KIAA1328: variants seen among roughly 807,000 people sequenced by gnomAD.
The protein encoded by KIAA1328 is KIAA1328, also known as protein hinderin.
KIAA1328 carries 52 observed loss-of-function variants against 68.1 expected under a neutral mutation model. That is an observed-to-expected ratio of 0.76 (90% CI 0.61 to 0.96). KIAA1328 has a LOEUF of 0.96. Ranked by LOEUF, KIAA1328 falls within the 40% of genes least tolerant of loss-of-function variation. KIAA1328 has a pLI of 0.00. For synonymous variants in KIAA1328, 232 were observed against 239.4 expected (o/e 0.97, Z 0.28); for missense variants, 641 against 677.6 (o/e 0.95, Z 0.60).
At chr18:37,079,078 C>T (rs1487996611) in intron 7 of KIAA1328, among the ~76,000 whole-genome samples, 1 of 149,840 alleles carries the variant, frequency 6.7e-6, no homozygotes, top group Admixed American at 6.7e-5. Context: ...TTGGAACCAA[C>T]CCAAATGTCC....
intron 9 of KIAA1328, among the ~76,000 whole-genome samples, chr18:37,213,457 G>T (rs1199445828): frequency 6.6e-6 from 1 of 152,170 alleles, no homozygotes; most frequent in Admixed American, 6.5e-5. Context: ...CTTCATCCAT[G>T]TCCCTACAAA....
intron 7 of KIAA1328, among the ~76,000 whole-genome samples, chr18:37,098,708 CT>C (rs1329825080): frequency 2.0e-5 from 3 of 152,030 alleles, no homozygotes; most frequent in Non-Finnish European, 2.9e-5. Flanking sequence ...TGGTCCTGGA[CT>C]TTTTTTGGTT....
At chr18:37,051,142 A>T (rs1280468228) in intron 6 of KIAA1328, among the ~76,000 whole-genome samples, 1 of 152,176 alleles carries the variant, frequency 6.6e-6, no homozygotes, top group Non-Finnish European at 1.5e-5. Context: ...AACTCAAAAA[A>T]TTTCAACTTT....
intron 9 of KIAA1328, among the ~76,000 whole-genome samples, chr18:37,191,841 C>T (rs1436273643): frequency 6.6e-6 from 1 of 152,102 alleles, no homozygotes. Context: ...TACTTATCAA[C>T]AAGGGGAGTG....
chr18:37,082,781 C>G (rs933985560), intron 7 of KIAA1328, among the ~76,000 whole-genome samples: 1 of 152,108 alleles, frequency 6.6e-6, no homozygotes, highest in Non-Finnish European at 1.5e-5. Flanking sequence ...CCAGACTGAT[C>G]AGAGAAGATT....
intron 9 of KIAA1328, among the ~76,000 whole-genome samples, chr18:37,192,900 C>T (rs1437259046): frequency 6.6e-6 from 1 of 152,054 alleles, no homozygotes; most frequent in Non-Finnish European, 1.5e-5. Context: ...ATATCTGTAG[C>T]TTTGTCTGCA....
intron 7 of KIAA1328, among the ~76,000 whole-genome samples, chr18:37,141,963 A>G (rs994198911): frequency 4.6e-5 from 7 of 152,342 alleles, no homozygotes; most frequent in Non-Finnish European, 1.0e-4. Context: ...AGTCTTCATC[A>G]GATGTATTGT....
At chr18:37,200,907 C>G (rs559674560) in intron 9 of KIAA1328, among the ~76,000 whole-genome samples, 2 of 151,968 alleles carry the variant, frequency 1.3e-5, no homozygotes, top group East Asian at 1.9e-4. Flanking sequence ...ACAGTTCCCC[C>G]TTTTGATCAA....
intron 4 of KIAA1328, among the ~76,000 whole-genome samples, chr18:36,860,644 G>A (rs2047534762): frequency 6.6e-6 from 1 of 152,064 alleles, no homozygotes; most frequent in Non-Finnish European, 1.5e-5. Flanking sequence ...AGTTCTGTGT[G>A]TTTACATGTA....
chr18:37,172,154 C>T (rs1419673485), intron 8 of KIAA1328, among the ~76,000 whole-genome samples: 1 of 152,140 alleles, frequency 6.6e-6, no homozygotes, highest in African/African-American at 2.4e-5. Context: ...GAATACTCTC[C>T]TTTTTGTCAA....
At chr18:36,936,738 A>G (rs1415531711) in intron 5 of KIAA1328, among the ~76,000 whole-genome samples, 1 of 152,192 alleles carries the variant, frequency 6.6e-6, no homozygotes, top group Non-Finnish European at 1.5e-5. Context: ...CCAACAGCAT[A>G]TAAGCTTTTC....
intron 6 of KIAA1328, among the ~76,000 whole-genome samples, chr18:37,018,936 G>A (rs775671478): frequency 3.9e-4 from 59 of 151,954 alleles, no homozygotes; most frequent in Non-Finnish European, 2.8e-4. Flanking sequence ...CTAAGTTTCT[G>A]TTTTGGTTAC....
At chr18:36,971,468 A>AG (rs933049959) in intron 6 of KIAA1328, among the ~76,000 whole-genome samples, 8 of 152,114 alleles carry the variant, frequency 5.3e-5, no homozygotes, top group Non-Finnish European at 7.4e-5. Context: ...TGTCTCTACT[A>AG]AAAATACAGA....
intron 5 of KIAA1328, among the ~76,000 whole-genome samples, chr18:36,898,300 T>C (rs1212920308): frequency 1.3e-5 from 2 of 152,018 alleles, no homozygotes; most frequent in Non-Finnish European, 2.9e-5. Flanking sequence ...AAAGATAATA[T>C]GCTTTTTGAA....
intron 9 of KIAA1328, among the ~76,000 whole-genome samples, chr18:37,176,363 CTT>C (rs1223459693): frequency 6.6e-6 from 1 of 152,146 alleles, no homozygotes; most frequent in African/African-American, 2.4e-5. Context: ...AGCTGGGCAC[CTT>C]TGTATGTAGA....
At chr18:37,226,490 T>C (rs1568558775), downstream of KIAA1328, among the ~76,000 whole-genome samples, 1 of 152,168 alleles carries the variant, frequency 6.6e-6, no homozygotes, top group East Asian at 1.9e-4. Context: ...CTACCATTAA[T>C]TGACTTGCTG....
chr18:36,983,367 GT>G, intron 6 of KIAA1328, among the ~76,000 whole-genome samples: 2 of 151,984 alleles, frequency 1.3e-5, no homozygotes, highest in East Asian at 3.8e-4. Context: ...CAGTATTACT[GT>G]TTTTTATCTA....
At chr18:36,888,090 T>C (rs1169436246) in intron 5 of KIAA1328, among the ~76,000 whole-genome samples, 2 of 152,202 alleles carry the variant, frequency 1.3e-5, no homozygotes, top group African/African-American at 4.8e-5. Context: ...CTGTGAATGG[T>C]TTCTTTTGTC....
chr18:36,981,029 A>G (rs1414566937), intron 6 of KIAA1328, among the ~76,000 whole-genome samples: 1 of 152,204 alleles, frequency 6.6e-6, no homozygotes, highest in Non-Finnish European at 1.5e-5. Context: ...ACTAACAAGG[A>G]AAACTTAATT....
Sources: allele counts gnomAD v4.1 joint callset (sites outside exome capture counted in the v4.1 genomes callset), GRCh38; gene constraint gnomAD v4.1.1; transcripts MANE v1.5; gene names NCBI Gene and HGNC (gene_info 2026-07-23, HGNC 2026-07-21).